Variants in NFATC3 observed in about 807,000 individuals in gnomAD.
The protein encoded by NFATC3 is nuclear factor of activated T cells 3.
NFATC3 carries 46 observed loss-of-function variants against 98.6 expected under a neutral mutation model. That is an observed-to-expected ratio of 0.47 (90% CI 0.37 to 0.60). NFATC3 has a LOEUF of 0.60. NFATC3 is among the 20% of genes least tolerant of loss of function. The pLI is 0.00. For synonymous variants in NFATC3, 512 were observed against 472.2 expected, an observed-to-expected ratio of 1.08 and a Z score of -1.09; for missense variants, 1,256 against 1,295.5, an observed-to-expected ratio of 0.97 and a Z score of 0.47.
intron 3 of NFATC3, among the ~76,000 whole-genome samples, chr16:68,127,188 G>A (rs2036881304): frequency 6.6e-6 from 1 of 152,124 alleles, no homozygotes; most frequent in Non-Finnish European, 1.5e-5. Context: ...ACTCCAGCCT[G>A]GGTGACAGAA....
chr16:68,172,805 T>C (rs530344687), intron 5 of NFATC3, among the ~76,000 whole-genome samples: 1 of 152,126 alleles, frequency 6.6e-6, no homozygotes, highest in East Asian at 1.9e-4. Context: ...AAACAACCGT[T>C]AGAGAACCTA....
At chr16:68,217,934 A>G (rs2041700404) in intron 9 of NFATC3, 9 of 1,223,818 alleles carry the variant, frequency 7.4e-6, no homozygotes, top group Non-Finnish European at 9.1e-6. Flanking sequence ...GACTAACTAA[A>G]CCTCGATTAC....
chr16:68,215,323 T>A (rs1448314456), intron 9 of NFATC3, among the ~76,000 whole-genome samples: 1 of 152,204 alleles, frequency 6.6e-6, no homozygotes, highest in Non-Finnish European at 1.5e-5. Flanking sequence ...ATTGAATGTA[T>A]ATAAAACTCT....
chr16:68,206,553 A>G (rs544330828), intron 9 of NFATC3, among the ~76,000 whole-genome samples: 29 of 152,316 alleles, frequency 1.9e-4, no homozygotes, highest in Non-Finnish European at 3.1e-4. Context: ...AGGCTCATCC[A>G]TATTGTAAGC....
intron 2 of NFATC3, among the ~76,000 whole-genome samples, chr16:68,125,766 TGTTAA>T (rs1271602336): frequency 6.6e-6 from 1 of 152,238 alleles, no homozygotes; most frequent in Non-Finnish European, 1.5e-5. Context: ...TGGTTATTTT[TGTTAA>T]GTTCATACAC....
chr16:68,201,397 G>A (rs73612242), intron 9 of NFATC3, among the ~76,000 whole-genome samples: 1,986 of 151,790 alleles, frequency 0.013, 43 homozygotes, highest in African/African-American at 0.045. Flanking sequence ...GTGCCTAGCT[G>A]ATTTTTGGGG....
chr16:68,224,311 C>G lies in NFATC3; in HGVS notation c.3107-2039C>G, dbSNP rs959157222. 2.1e-5 allele frequency among the ~76,000 whole-genome samples: 3 copies of G among 142,714 alleles called. No homozygotes were observed. The Admixed American group carries it at 2.2e-4, about 10-fold the overall frequency. The allele number at this position is 142,714 out of a possible 152,430, so 93.6% of individuals were successfully genotyped here. ...TTTTTTTTTGAGACAGAGTCTCACT[C>G]TGTTGCCCAGGCTGGAGTGCAGTGG... On this transcript the variant is annotated intron_variant, in intron 9 of 9. Transcript: ENST00000346183.
intron 1 of NFATC3, among the ~76,000 whole-genome samples, chr16:68,109,847 C>T (rs1361127230): frequency 6.6e-6 from 1 of 151,876 alleles, no homozygotes; most frequent in African/African-American, 2.4e-5. Flanking sequence ...TCTAAGTTTT[C>T]TAGTTTATTT....
At chr16:68,213,445 A>T (rs532540758) in intron 9 of NFATC3, among the ~76,000 whole-genome samples, 61 of 148,348 alleles carry the variant, frequency 4.1e-4, no homozygotes, top group East Asian at 5.9e-4. Flanking sequence ...AATAAAAATT[A>T]AAAAAAATAA....
intron 8 of NFATC3, among the ~76,000 whole-genome samples, chr16:68,188,679 T>C (rs1162641997): frequency 6.6e-6 from 1 of 152,244 alleles, no homozygotes; most frequent in Non-Finnish European, 1.5e-5. Context: ...TGATCATTAA[T>C]TGCAAATGGC....
rs895291803 is a variant in NFATC3, at chr16:68,115,736, TTTG to T, written c.104-6239_104-6237del. The stretch of plus-strand genomic sequence containing the variant: ...CACCATACCTGGCCGATTGTTTTTT[TTTG>T]TTGTTGTTGTTTGTTTTAAATTTTT... On this transcript the variant is annotated intron_variant, in intron 1 of 9. Coordinates refer to ENST00000346183, the MANE Select transcript of NFATC3 (RefSeq NM_173165.3). 3.9e-5 allele frequency among the ~76,000 whole-genome samples: 6 copies of T among 152,124 alleles called. No homozygotes were observed. The East Asian group carries it at 7.7e-4, about 20-fold the overall frequency.
At chr16:68,097,738 A>G (rs542877961) in intron 1 of NFATC3, among the ~76,000 whole-genome samples, 13 of 152,314 alleles carry the variant, frequency 8.5e-5, no homozygotes, top group African/African-American at 3.1e-4. Flanking sequence ...TAAAATTGAC[A>G]TTTAATAAAC....
chr16:68,190,700 C>T, intron 8 of NFATC3, 68 bp from the exon 9 acceptor site: 1 of 1,480,886 alleles, frequency 6.8e-7, no homozygotes, highest in Non-Finnish European at 9.1e-7. Context: ...TGTAACCTAG[C>T]ATGAAGGCCT....
intron 1 of NFATC3, among the ~76,000 whole-genome samples, chr16:68,103,007 T>C (rs2035453111): frequency 6.6e-6 from 1 of 152,200 alleles, no homozygotes; most frequent in South Asian, 2.1e-4. Context: ...TATATCTTCT[T>C]TGGAGAAATG....
intron 4 of NFATC3, 27 bp downstream of exon 4, chr16:68,158,095 C>T: frequency 3.3e-6 from 5 of 1,494,556 alleles, no homozygotes; most frequent in Non-Finnish European, 4.6e-6. Context: ...CTAAAATGTG[C>T]AGTTCTTTTT....
chr16:68,204,606 T>C (rs1045053263), intron 9 of NFATC3, among the ~76,000 whole-genome samples: 1 of 152,226 alleles, frequency 6.6e-6, no homozygotes, highest in Non-Finnish European at 1.5e-5. Context: ...AATGTAGATT[T>C]TCTCACATGT....
intron 1 of NFATC3, 99 bp from the exon 2 acceptor site, chr16:68,121,888 G>T (rs2036600262): frequency 4.4e-6 from 6 of 1,378,804 alleles, no homozygotes; most frequent in African/African-American, 1.5e-5. Flanking sequence ...TTTCTCTCGA[G>T]ATTGTTATTA....
At chr16:68,198,134 A>G (rs1444146387) in intron 9 of NFATC3, among the ~76,000 whole-genome samples, 1 of 152,092 alleles carries the variant, frequency 6.6e-6, no homozygotes, top group African/African-American at 2.4e-5. Flanking sequence ...AGCCTGGACA[A>G]CATGGCAAAA....
chr16:68,098,271 CTATTAT>C lies in NFATC3; in HGVS notation c.103+12513_103+12518del, dbSNP rs1314480778. 4.2e-3 allele frequency among the ~76,000 whole-genome samples: 524 copies of C among 123,300 alleles called. 9 individuals are homozygous for C. The highest frequency in any genetic ancestry group is 0.022 in the Middle Eastern group (5 of 226). The allele number at this position is 123,300 out of a possible 152,430, so 80.9% of individuals were successfully genotyped here. ...GGTAGATGTACATTTAACTTTTTGT[CTATTAT>C]TATTATTATTATTATTATTATTATT... On this transcript the variant is annotated intron_variant, in intron 1 of 9. Coordinates refer to ENST00000346183, the MANE Select transcript of NFATC3 (RefSeq NM_173165.3).
Sources: gnomAD v4.1 joint callset for allele counts (sites outside exome capture counted in the v4.1 genomes callset) on GRCh38, gnomAD v4.1.1 for gene constraint, MANE v1.5 for transcripts, NCBI Gene and HGNC (gene_info 2026-07-23, HGNC 2026-07-21) for gene names.